UNC5C: variants seen among roughly 807,000 people sequenced by gnomAD.
UNC5C encodes unc-5 netrin receptor C.
Under a neutral mutation model 99.8 loss-of-function variants are expected in UNC5C, and 47 were observed. The ratio of observed to expected loss-of-function variants is 0.47; its 90% CI spans 0.37 to 0.60. The LOEUF (loss-of-function observed/expected upper bound fraction) is 0.60. UNC5C is among the 20% of genes least tolerant of loss of function. The pLI, the probability that UNC5C is intolerant of heterozygous loss-of-function variation, is 0.00. For synonymous variants in UNC5C, 487 were observed against 452.2 expected, an observed-to-expected ratio of 1.08 and a Z score of -0.98; for missense variants, 1,062 against 1,165.9, an observed-to-expected ratio of 0.91 and a Z score of 1.30.
chr4:95,282,538 G>C (rs1206517955), intron 3 of UNC5C, among the ~76,000 whole-genome samples: 1 of 152,212 alleles, frequency 6.6e-6, no homozygotes, highest in Non-Finnish European at 1.5e-5. Flanking sequence ...GTACACATGG[G>C]AGCCTTTGGA....
chr4:95,503,252 C>A, intron 1 of UNC5C, among the ~76,000 whole-genome samples: 1 of 152,022 alleles, frequency 6.6e-6, no homozygotes, highest in East Asian at 1.9e-4. Context: ...CTCACCCTCT[C>A]CCCTTTCACC....
At chr4:95,399,452 C>T (rs1745623257) in intron 1 of UNC5C, among the ~76,000 whole-genome samples, 1 of 152,114 alleles carries the variant, frequency 6.6e-6, no homozygotes, top group Admixed American at 6.5e-5. Flanking sequence ...TATGTCAGTC[C>T]CTTGCATAAA....
intron 4 of UNC5C, among the ~76,000 whole-genome samples, chr4:95,267,482 T>G (rs1008154840): frequency 2.0e-5 from 3 of 152,208 alleles, no homozygotes; most frequent in Admixed American, 1.3e-4. Context: ...ATAGACATTA[T>G]GATAAGAAAG....
At chr4:95,244,889 T>A in intron 6 of UNC5C, 88 bp downstream of exon 6, 1 of 1,520,600 alleles carries the variant, frequency 6.6e-7, no homozygotes, top group Non-Finnish European at 9.0e-7. Flanking sequence ...CACATTCAGA[T>A]CAAGAATAAA....
chr4:95,489,165 G>A (rs937863523), intron 1 of UNC5C, among the ~76,000 whole-genome samples: 13 of 148,740 alleles, frequency 8.7e-5, no homozygotes, highest in Admixed American at 2.0e-4. Flanking sequence ...AAGGAAGGAA[G>A]GAAAAATAAG....
chr4:95,486,919 G>A (rs985679142), intron 1 of UNC5C, among the ~76,000 whole-genome samples: 4 of 151,670 alleles, frequency 2.6e-5, no homozygotes, highest in African/African-American at 9.7e-5. Context: ...GAGGTATTTA[G>A]GTCATCAGGG....
At chr4:95,224,249 C>T (rs545549408) in intron 7 of UNC5C, among the ~76,000 whole-genome samples, 1 of 152,336 alleles carries the variant, frequency 6.6e-6, no homozygotes, top group Admixed American at 6.5e-5. Context: ...CGCCACTGCA[C>T]TCCAGCCTGG....
intron 1 of UNC5C, among the ~76,000 whole-genome samples, chr4:95,519,929 A>G (rs1722307423): frequency 6.6e-6 from 1 of 152,250 alleles, no homozygotes; most frequent in African/African-American, 2.4e-5. Flanking sequence ...TGTACTCCCA[A>G]AAGAGTCATT....
chr4:95,548,681 A>T, intron 1 of UNC5C, 53 bp downstream of exon 1: 13 of 1,587,012 alleles, frequency 8.2e-6, no homozygotes, highest in Non-Finnish European at 1.0e-5. Flanking sequence ...GAGAGGAAGG[A>T]GGGAAGGAAG....
chr4:95,196,856 T>A (rs1737434854), intron 12 of UNC5C, among the ~76,000 whole-genome samples: 6 of 2,138 alleles, frequency 2.8e-3, no homozygotes, highest in Non-Finnish European at 3.5e-3. Flanking sequence ...TAATATATAT[T>A]TATATATTAT....
chr4:95,186,220 G>C (rs145465060), intron 12 of UNC5C, among the ~76,000 whole-genome samples: 154 of 152,112 alleles, frequency 1.0e-3, no homozygotes, highest in African/African-American at 3.5e-3. Flanking sequence ...TTAAAATAAG[G>C]GTCCAGGAAT....
chr4:95,360,914 C>T (rs59179643), intron 1 of UNC5C, among the ~76,000 whole-genome samples: 33,136 of 152,074 alleles, frequency 0.22, 4,209 homozygotes, highest in African/African-American at 0.34. Context: ...TTAATAGAAA[C>T]GTACTCATGT....
At chr4:95,273,552 T>C (rs7340845) in intron 4 of UNC5C, among the ~76,000 whole-genome samples, 3,558 of 152,294 alleles carry the variant, frequency 0.023, 114 homozygotes, top group African/African-American at 0.072. Flanking sequence ...ATTAATTTTC[T>C]TGCTTCTTCA....
intron 3 of UNC5C, among the ~76,000 whole-genome samples, chr4:95,289,604 C>G (rs138870649): frequency 5.3e-5 from 8 of 152,090 alleles, no homozygotes; most frequent in Non-Finnish European, 7.3e-5. Flanking sequence ...TCAAAGTGCT[C>G]CTCTAGCAAA....
chr4:95,500,254 T>C lies in UNC5C; in HGVS notation c.124+48480A>G, dbSNP rs538687397. 3.7e-4 allele frequency among the ~76,000 whole-genome samples: 57 copies of C among 152,218 alleles called. 1 individual carries two copies. The highest frequency in any genetic ancestry group is 6.8e-3 in the Middle Eastern group (2 of 294). On this transcript the variant is annotated intron_variant, in intron 1 of 15. Transcript: ENST00000453304. Reference sequence around the variant, plus strand: ...ATGCCACAACGAATAAATAGTTAGATGGTCTCCAGTTTTGAAGGAGTTTAA... The same window carrying C: ...ATGCCACAACGAATAAATAGTTAGACGGTCTCCAGTTTTGAAGGAGTTTAA...
In UNC5C at chr4:95,182,959, G is replaced by A; in HGVS notation, c.2389C>T (p.Leu797Phe). 1 of 1,613,984 alleles carries A rather than the reference G, an allele frequency of 6.2e-7. No individual in the cohort carries two copies. The highest frequency in any genetic ancestry group is 8.5e-7 in the Non-Finnish European group (1 of 1,179,912). Residue 797 changes from leucine (L) to phenylalanine (F), a missense_variant, in exon 14 of 16, where the codon CTC becomes TTC. This residue lies in a region of UNC5C where 810 missense variants were observed against 854.5 expected (regional missense o/e 0.95). Coordinates refer to ENST00000453304, the MANE Select transcript of UNC5C (RefSeq NM_003728.4). ...TCTCCTTCCACCTGCCGCACACAGA[G>A]TTTGCAAACCAGCTCCACTGTGTTC... ...SLNTVELVCKLCVRQVEGEGQ... is the reference protein window; with the variant it reads ...SLNTVELVCKFCVRQVEGEGQ...
chr4:95,378,314 T>C (rs182964373), intron 1 of UNC5C, among the ~76,000 whole-genome samples: 33 of 152,274 alleles, frequency 2.2e-4, no homozygotes, highest in Admixed American at 1.4e-3. Flanking sequence ...ATATATAATC[T>C]ATTAATAAGA....
At chr4:95,251,222 A>G (rs568434957) in intron 4 of UNC5C, among the ~76,000 whole-genome samples, 105 of 152,258 alleles carry the variant, frequency 6.9e-4, no homozygotes, top group Non-Finnish European at 1.3e-3. Context: ...TATGGATTAA[A>G]TATCCCTGAA....
chr4:95,481,672 T>C (rs1721160163), intron 1 of UNC5C, among the ~76,000 whole-genome samples: 1 of 151,918 alleles, frequency 6.6e-6, no homozygotes, highest in South Asian at 2.1e-4. Context: ...TATAGACCAA[T>C]GGAACAGAAC....
Sources: gnomAD v4.1 joint callset for allele counts (sites outside exome capture counted in the v4.1 genomes callset) on GRCh38, gnomAD v4.1.1 for gene constraint, gnomAD v4.1.1 regional missense constraint, MANE v1.5 for transcripts, NCBI Gene and HGNC (gene_info 2026-07-23, HGNC 2026-07-21) for gene names.